The following SLIT3 variants were observed in gnomAD, a reference collection of about 807,000 sequenced individuals.
SLIT3 encodes slit homolog 3 protein.
A neutral mutation model predicts 184.0 loss-of-function variants in SLIT3; 68 were observed. The ratio of observed to expected loss-of-function variants is 0.37; its 90% CI spans 0.30 to 0.45. SLIT3 has a LOEUF of 0.45. SLIT3 is among the 20% of genes least tolerant of loss of function. The probability of loss-of-function intolerance (pLI) is 1.00; values close to 1 mark genes in which losing one functional copy is unlikely to be tolerated. For synonymous variants in SLIT3, 831 were observed against 828.6 expected, an observed-to-expected ratio of 1.00 and a Z score of -0.05; for missense variants, 1,707 against 2,026.0, an observed-to-expected ratio of 0.84 and a Z score of 3.02.
At chr5:168,890,353 G>A (rs1365022747) in intron 4 of SLIT3, among the ~76,000 whole-genome samples, 1 of 152,192 alleles carries the variant, frequency 6.6e-6, no homozygotes, top group South Asian at 2.1e-4. Context: ...CACAGGGAAT[G>A]CAGGCTTGTT....
chr5:168,684,212 T>A (rs1761678009), intron 31 of SLIT3, 116 bp from the exon 32 acceptor site: 1 of 1,106,518 alleles, frequency 9.0e-7, no homozygotes, highest in East Asian at 2.7e-5. Flanking sequence ...TGCGTCTAAA[T>A]TCATGTCCAT....
At chr5:169,134,482 G>T (rs1761423603) in intron 4 of SLIT3, among the ~76,000 whole-genome samples, 1 of 152,096 alleles carries the variant, frequency 6.6e-6, no homozygotes, top group Non-Finnish European at 1.5e-5. Flanking sequence ...CCCCATAGCT[G>T]CCTCATTCTT....
rs370651840 is a variant in SLIT3, at chr5:168,722,288, G to A, written c.2451C>T (p.His817=). ...SYNRLRCIPV[H]AFNGLRSLRV... ...GCAGGGACCGCAGCCCGTTGAAGGC[G>A]TGGACGGGGATGCACCTCAGCCGGT... is the stretch of plus-strand genomic sequence containing the variant. The change falls in exon 23 of 36, where the codon CAC becomes CAT. Residue 817 remains histidine, a synonymous_variant. Transcript: ENST00000519560. 34 of 1,614,020 alleles carry A rather than the reference G, an allele frequency of 2.1e-5. No individual in the cohort carries two copies. Among genetic ancestry groups the A allele is most frequent in the East Asian group, 6.7e-5 (3 of 44,886 alleles).
chr5:168,916,016 G>A (rs999726842), intron 4 of SLIT3, among the ~76,000 whole-genome samples: 3 of 152,206 alleles, frequency 2.0e-5, no homozygotes, highest in Non-Finnish European at 4.4e-5. Flanking sequence ...TGCACAACGT[G>A]CAGGTTTGTT....
Position 168,966,237 on chromosome 5 carries a change from G to C in SLIT3, c.414-82901C>G, listed in dbSNP as rs148078725. 1.2e-4 allele frequency among the ~76,000 whole-genome samples: 19 copies of C among 152,242 alleles called. No individual in the cohort carries two copies. In the East Asian group the frequency reaches 3.3e-3, roughly 26 times the overall value. On this transcript the variant is annotated intron_variant, in intron 4 of 35. Coordinates refer to ENST00000519560, the MANE Select transcript of SLIT3 (RefSeq NM_003062.4). ...CCCAGGTGAGCTCTCGATCTTATCT[G>C]TGCCATGTATGTAGATTTTTATATG...
chr5:168,826,092 T>A (rs537265876), intron 6 of SLIT3, among the ~76,000 whole-genome samples: 1 of 152,236 alleles, frequency 6.6e-6, no homozygotes, highest in Admixed American at 6.5e-5. Flanking sequence ...TAGCTGAATA[T>A]ACAGTACAAT....
intron 5 of SLIT3, among the ~76,000 whole-genome samples, chr5:168,862,688 T>TG (rs1759154976): frequency 6.6e-6 from 1 of 151,570 alleles, no homozygotes; most frequent in African/African-American, 2.4e-5. Flanking sequence ...GTTTTTTTTT[T>TG]TGTGAGATGG....
chr5:168,847,525 C>T (rs553562516), intron 5 of SLIT3, among the ~76,000 whole-genome samples: 157 of 152,258 alleles, frequency 1.0e-3, no homozygotes, highest in African/African-American at 3.5e-3. Context: ...TCAGCGTATT[C>T]GTAAAAAGCC....
intron 8 of SLIT3, among the ~76,000 whole-genome samples, chr5:168,810,578 G>A (rs1757127129): frequency 6.6e-6 from 1 of 152,236 alleles, no homozygotes; most frequent in Admixed American, 6.5e-5. Context: ...GGGGGCTGAG[G>A]ATGTGGCTCA....
intron 4 of SLIT3, among the ~76,000 whole-genome samples, chr5:168,951,894 C>T (rs1280285422): frequency 1.3e-5 from 2 of 152,210 alleles, no homozygotes; most frequent in East Asian, 3.9e-4. Flanking sequence ...ATGCACAGGG[C>T]TGTTAGGGAT....
chr5:168,941,139 G>A (rs1485538976), intron 4 of SLIT3, among the ~76,000 whole-genome samples: 1 of 152,122 alleles, frequency 6.6e-6, no homozygotes, highest in East Asian at 1.9e-4. Flanking sequence ...CCACCAATTT[G>A]TCTAAAATTT....
chr5:168,877,100 C>T (rs538801356), intron 5 of SLIT3, among the ~76,000 whole-genome samples: 19 of 152,266 alleles, frequency 1.2e-4, no homozygotes, highest in African/African-American at 4.1e-4. Context: ...GGCAGGATAT[C>T]TGTGTACACA....
intron 9 of SLIT3, among the ~76,000 whole-genome samples, chr5:168,796,633 G>A (rs191470724): frequency 3.3e-5 from 5 of 152,228 alleles, no homozygotes; most frequent in Admixed American, 2.6e-4. Flanking sequence ...TGGGAGGAAC[G>A]GGCTTCCTTG....
chr5:169,140,512 C>T lies in SLIT3; in HGVS notation c.413+52967G>A, dbSNP rs950593962. On this transcript the variant is annotated intron_variant, in intron 4 of 35. Coordinates refer to ENST00000519560, the MANE Select transcript of SLIT3 (RefSeq NM_003062.4). The stretch of plus-strand genomic sequence containing the variant: ...AAAAAAAAAAAAAAAAAAAAAAAGA[C>T]GCAGGCGGTCAGGCACGGTGGCTCA... Among the ~76,000 whole-genome samples, 9 of 137,310 alleles carry T rather than the reference C, an allele frequency of 6.6e-5. 1 individual carries two copies. Among genetic ancestry groups the T allele is most frequent in the African/African-American group, 1.9e-4 (7 of 37,008 alleles). The allele number at this position is 137,310 out of a possible 152,430, so 90.1% of individuals were successfully genotyped here. A position where few individuals can be genotyped will look rare whatever the true frequency, so the allele number is the denominator to read the frequency against.
intron 14 of SLIT3, chr5:168,768,247 C>T (rs532367772): frequency 3.1e-5 from 16 of 510,542 alleles, no homozygotes; most frequent in South Asian, 1.0e-4. Flanking sequence ...AGCCCCGCAG[C>T]GACTGGTCAG....
intron 3 of SLIT3, among the ~76,000 whole-genome samples, chr5:169,221,511 A>G (rs1031163855): frequency 1.1e-4 from 17 of 152,182 alleles, no homozygotes; most frequent in African/African-American, 3.9e-4. Context: ...TGCCAAGACA[A>G]TGTTAGTCTA....
In SLIT3 at chr5:169,155,599, G is replaced by C. The variant is rs577995752; in HGVS notation, c.413+37880C>G. 5.9e-5 allele frequency among the ~76,000 whole-genome samples: 9 copies of C among 152,328 alleles called. No individual in the cohort carries two copies. In the East Asian group the frequency reaches 1.7e-3, roughly 29 times the overall value. ...TGAGCCTGAGTCTTTGCTCACTGCA[G>C]TGAGTCTATGCTTCTGGGTAACCTG... On this transcript the variant is annotated intron_variant, in intron 4 of 35. Coordinates refer to ENST00000519560, the MANE Select transcript of SLIT3 (RefSeq NM_003062.4).
chr5:169,092,150 GA>G (rs1405623164), intron 4 of SLIT3, among the ~76,000 whole-genome samples: 3 of 152,210 alleles, frequency 2.0e-5, no homozygotes, highest in Non-Finnish European at 2.9e-5. Context: ...TTAAACCCGA[GA>G]GGTGGAGGTT....
intron 4 of SLIT3, among the ~76,000 whole-genome samples, chr5:169,109,813 G>A (rs145823090): frequency 1.4e-3 from 215 of 152,202 alleles, no homozygotes; most frequent in African/African-American, 5.0e-3. Flanking sequence ...CTTCACTCAT[G>A]AGGCTCTGAG....
Sources: allele counts gnomAD v4.1 joint callset (sites outside exome capture counted in the v4.1 genomes callset), GRCh38; gene constraint gnomAD v4.1.1; transcripts MANE v1.5; gene names NCBI Gene and HGNC (gene_info 2026-07-23, HGNC 2026-07-21).